Variants in KCTD2 observed in about 807,000 individuals in gnomAD.
KCTD2 encodes BTB/POZ domain-containing protein KCTD2.
A neutral mutation model predicts 27.9 loss-of-function variants in KCTD2; 18 were observed. The observed-to-expected ratio is 0.64, with a 90% confidence interval of 0.45 to 0.96. The LOEUF is 0.96. KCTD2 is among the 40% of genes least tolerant of loss of function. The pLI is 0.00. For synonymous variants in KCTD2, 175 were observed against 148.4 expected (o/e 1.18, Z -1.30); for missense variants, 280 against 348.0 (o/e 0.80, Z 1.56).
rs544344926 is a variant in KCTD2 at position 75,063,367 on chromosome 17, G to A, written c.*320G>A. On this transcript the variant is annotated 3_prime_UTR_variant, in exon 6 of 6. Coordinates refer to ENST00000322444, the MANE Select transcript of KCTD2 (RefSeq NM_015353.3). ...TTTCGGGGATCTGGGGGATGAGGGC[G>A]GAAGGCCTAGCTCCTTGGAAATGGC... The A allele has an allele frequency of 2.0e-5, 8 of 396,314 alleles. No individual in the cohort carries two copies. The highest frequency in any genetic ancestry group is 8.6e-5 in the South Asian group (3 of 35,074). The allele number at this position is 396,314 out of a possible 1,614,324, so 24.5% of individuals were successfully genotyped here.
rs2073430132 is a variant in KCTD2 at position 75,063,903 on chromosome 17, G to C, written c.*856G>C. On this transcript the variant is annotated 3_prime_UTR_variant, in exon 6 of 6. Coordinates refer to ENST00000322444, the MANE Select transcript of KCTD2 (RefSeq NM_015353.3). ...CCCTGGCTTTTTCAACTGGACCAAA[G>C]ATGAAGGCACTTATGGACCCTTTGA... 1 of 152,780 alleles carries C rather than the reference G, an allele frequency of 6.5e-6. No homozygotes were observed. The highest frequency in any genetic ancestry group is 6.5e-5 in the Admixed American group (1 of 15,286). The allele number at this position is 152,780 out of a possible 1,614,324, so 9.5% of individuals were successfully genotyped here.
Position 75,060,884 on chromosome 17 carries a change from T to C in KCTD2, c.637-1236T>C, listed in dbSNP as rs1272629335. ...CACAGATCAAGTGCAAAGCTGTCTC[T>C]GCCTTCAGAGCCAGCGGTGATTATT... On this transcript the variant is annotated intron_variant, in intron 4 of 5. Transcript: ENST00000322444. Among the ~76,000 whole-genome samples, 4 of 152,364 alleles carry C rather than the reference T, an allele frequency of 2.6e-5. No individual in the cohort carries two copies. In the East Asian group the frequency reaches 7.7e-4, roughly 29 times the overall value.
At chr17:75,042,204 AG>A (rs1186628285) in intron 3 of KCTD2, 1 of 1,614,078 alleles carries the variant, frequency 6.2e-7, no homozygotes, top group Non-Finnish European at 8.5e-7. Context: ...TCATCCACCA[AG>A]CCAGCCTTGG....
rs147461348 is a variant in KCTD2, at chr17:75,040,148, C to A, written c.-259+4791C>A. On this transcript the variant is annotated intron_variant, in intron 3 of 7. Transcript: ENST00000581589. ...GTATATTTATCCTCTGGCACGGGAA[C>A]CTTCAGCGCATTAAACTACAAACAC... is the stretch of plus-strand genomic sequence containing the variant. The A allele has an allele frequency of 4.8e-5, 77 of 1,611,554 alleles. No homozygotes were observed. The highest frequency in any genetic ancestry group is 1.2e-4 in the African/African-American group (9 of 74,798).
intron 2 of KCTD2, among the ~76,000 whole-genome samples, chr17:75,049,872 A>C (rs1234858801): frequency 6.6e-6 from 1 of 152,172 alleles, no homozygotes; most frequent in Non-Finnish European, 1.5e-5. Flanking sequence ...GGGCATTGGG[A>C]CTATAAGTGG....
chr17:75,062,005 G>C (rs1567994993), intron 4 of KCTD2, 115 bp from the exon 5 acceptor site: 1 of 1,196,202 alleles, frequency 8.4e-7, no homozygotes. Context: ...CTCATATAAA[G>C]AGTTAAACCT....
intron 2 of KCTD2, among the ~76,000 whole-genome samples, chr17:75,051,761 C>A (rs965673059): frequency 2.0e-5 from 3 of 152,000 alleles, no homozygotes; most frequent in African/African-American, 7.2e-5. Flanking sequence ...TTTATGTAAC[C>A]ACAGACAGTA....
chr17:75,038,912 G>A (rs1222071351), intron 3 of KCTD2: 28 of 1,608,586 alleles, frequency 1.7e-5, no homozygotes, highest in Non-Finnish European at 1.9e-5. Context: ...AAGGGCCAGA[G>A]CTTCCTCCTG....
At chr17:75,062,093 A>C (rs2144943371) in intron 4 of KCTD2, 27 bp from the exon 5 acceptor site, 2 of 1,613,176 alleles carry the variant, frequency 1.2e-6, no homozygotes, top group East Asian at 4.5e-5. Context: ...TGCCACATGA[A>C]TGTTCACTGT....
upstream of KCTD2, among the ~76,000 whole-genome samples, chr17:75,043,919 TAC>T (rs893067183): frequency 9.9e-5 from 15 of 152,190 alleles, 1 homozygote; most frequent in Middle Eastern, 0.014. Flanking sequence ...TCCAGAGTTT[TAC>T]AAACTTAAAA....
chr17:75,049,457 CAG>C (rs765937015), intron 2 of KCTD2, 129 bp downstream of exon 2: 12 of 611,350 alleles, frequency 2.0e-5, no homozygotes, highest in African/African-American at 9.2e-5. Flanking sequence ...GTTTATGAAA[CAG>C]AGCAGAAACT....
chr17:75,042,738 A>G, upstream of KCTD2: 1 of 1,376,818 alleles, frequency 7.3e-7, no homozygotes, highest in Non-Finnish European at 1.0e-6. Flanking sequence ...ATAACAAAAT[A>G]AGAGCTCTTA....
intron 2 of KCTD2, among the ~76,000 whole-genome samples, chr17:75,051,323 T>G (rs2073284376): frequency 7.2e-6 from 1 of 138,138 alleles, no homozygotes; most frequent in African/African-American, 2.9e-5. Context: ...CTCCCTCTGT[T>G]GCCCAGGCTG....
At position 75,064,567 on chromosome 17, in the gene KCTD2, A is replaced by G. The variant is rs966731624; in HGVS notation, c.*1520A>G. 2 of 152,242 alleles carry G rather than the reference A, an allele frequency of 1.3e-5. No homozygotes were observed. The highest frequency in any genetic ancestry group is 1.3e-4 in the Admixed American group (2 of 15,266). 9.4% of individuals were successfully genotyped at this position (152,242 alleles called of 1,614,324 possible). ...TCTGACCTGACCATGCCCAGATGGC[A>G]TAACTTTTCCCTAGGACCCTCAGTC... On this transcript the variant is annotated 3_prime_UTR_variant, in exon 6 of 6. Coordinates refer to ENST00000322444, the MANE Select transcript of KCTD2 (RefSeq NM_015353.3).
chr17:75,061,425 G>A (rs1472956497), intron 4 of KCTD2, among the ~76,000 whole-genome samples: 2 of 152,162 alleles, frequency 1.3e-5, no homozygotes, highest in East Asian at 3.8e-4. Flanking sequence ...TGGGAGGATT[G>A]CTTGAGTCCT....
upstream of KCTD2, chr17:75,042,403 T>C (rs746986507): frequency 8.0e-6 from 12 of 1,507,492 alleles, no homozygotes; most frequent in Non-Finnish European, 1.1e-5. Context: ...AAGATCATCA[T>C]GAAAATGCAA....
rs2073443067 is a variant in KCTD2, at chr17:75,065,035, A to T, written c.*1988A>T. The T allele has an allele frequency of 1.3e-5, 2 of 152,198 alleles. 1 individual carries two copies. The highest frequency in any genetic ancestry group is 4.1e-4 in the South Asian group (2 of 4,834). The allele number at this position is 152,198 out of a possible 1,614,324, so 9.4% of individuals were successfully genotyped here. A position where few individuals can be genotyped will look rare whatever the true frequency, so the allele number is the denominator to read the frequency against. Reference sequence around the variant, plus strand: ...CTAGACCAACCCCAGCTTTCTCACCAGGTTCAGCAAGGAGGCCTGGGGGTC... The same window carrying T: ...CTAGACCAACCCCAGCTTTCTCACCTGGTTCAGCAAGGAGGCCTGGGGGTC... On this transcript the variant is annotated 3_prime_UTR_variant, in exon 6 of 6. Transcript: ENST00000322444.
At chr17:75,035,966 T>TA in intron 3 of KCTD2, 1 of 432,210 alleles carries the variant, frequency 2.3e-6, no homozygotes, top group Non-Finnish European at 4.7e-6. Context: ...ACCACCCCAC[T>TA]ACTCTGTGCT....
chr17:75,048,986 G>A (rs1460528401), intron 1 of KCTD2: 1 of 373,098 alleles, frequency 2.7e-6, no homozygotes, highest in Non-Finnish European at 4.8e-6. Flanking sequence ...GAGTATGACT[G>A]TCTGTAACAC....
Sources: allele counts gnomAD v4.1 joint callset (sites outside exome capture counted in the v4.1 genomes callset), GRCh38; gene constraint gnomAD v4.1.1; transcripts MANE v1.5; gene names NCBI Gene and HGNC (gene_info 2026-07-23, HGNC 2026-07-21).